ATP6V1G1: variants seen among roughly 807,000 people sequenced by gnomAD.
ATP6V1G1 encodes ATPase H+ transporting V1 subunit G1.
Under a neutral mutation model 14.2 loss-of-function variants are expected in ATP6V1G1, and 14 were observed. That is an observed-to-expected ratio of 0.99 (90% CI 0.65 to 1.55). The LOEUF (loss-of-function observed/expected upper bound fraction) is 1.55, where lower values mean the gene tolerates loss of function less well. Among genes scored for constraint, ATP6V1G1 ranks in the 40% most tolerant of loss-of-function variants. The pLI is 0.00. For missense variants in ATP6V1G1, 137 were observed against 146.4 expected, an observed-to-expected ratio of 0.94 and a Z score of 0.33; for synonymous variants, 65 against 53.3, an observed-to-expected ratio of 1.22 and a Z score of -0.96.
intron 1 of ATP6V1G1, chr9:114,588,163 C>T (rs781289017): frequency 3.6e-6 from 2 of 552,086 alleles, no homozygotes; most frequent in South Asian, 2.4e-5. Flanking sequence ...TCCTTGGGGC[C>T]TGGAGGCATG....
At chr9:114,589,577 T>C (rs1845163027) in intron 1 of ATP6V1G1, among the ~76,000 whole-genome samples, 1 of 152,076 alleles carries the variant, frequency 6.6e-6, no homozygotes, top group Non-Finnish European at 1.5e-5. Flanking sequence ...TCTTTGAGGG[T>C]GTTGGGAATG....
chr9:114,588,002 C>G, intron 1 of ATP6V1G1, 82 bp downstream of exon 1: 7 of 1,425,576 alleles, frequency 4.9e-6, no homozygotes, highest in Non-Finnish European at 6.7e-6. Flanking sequence ...AGATTAGGCC[C>G]GAAAAACTGC....
At chr9:114,590,540 C>T (rs926508405) in intron 1 of ATP6V1G1, among the ~76,000 whole-genome samples, 1 of 152,018 alleles carries the variant, frequency 6.6e-6, no homozygotes, top group Non-Finnish European at 1.5e-5. Flanking sequence ...CTCGGCCTCC[C>T]AAAGTGCTGG....
chr9:114,595,093 C>G (rs909544577), intron 2 of ATP6V1G1, among the ~76,000 whole-genome samples: 1 of 150,960 alleles, frequency 6.6e-6, no homozygotes, highest in African/African-American at 2.4e-5. Context: ...GTCTTGAACT[C>G]CTGACCTCAG....
chr9:114,590,566 C>T (rs117021790), intron 1 of ATP6V1G1, among the ~76,000 whole-genome samples: 4 of 152,102 alleles, frequency 2.6e-5, no homozygotes, highest in Non-Finnish European at 5.9e-5. Context: ...CAGATATGAG[C>T]GACTGCGCCT....
In ATP6V1G1 at chr9:114,597,721, A is replaced by G; in HGVS notation, c.335A>G (p.Glu112Gly). Residue 112 changes from glutamate to glycine, a missense_variant, in exon 3 of 3, where the codon GAA (glutamate) becomes GGA (glycine). Transcript: ENST00000374050. The stretch of plus-strand genomic sequence containing the variant: ...TGTGACATTCGGCCAGAAATCCATG[A>G]AAACTACCGCATAAATGGATAGAAG... Reference protein sequence around the residue: ...FVCDIRPEIHENYRING With the variant: ...FVCDIRPEIHGNYRING 6.3e-7 allele frequency: 1 copy of G among 1,588,512 alleles called. No homozygotes were observed. Among genetic ancestry groups the G allele is most frequent in the Non-Finnish European group, 8.5e-7 (1 of 1,171,036 alleles).
chr9:114,596,116 C>T (rs956356581), intron 2 of ATP6V1G1, among the ~76,000 whole-genome samples: 18 of 151,866 alleles, frequency 1.2e-4, no homozygotes, highest in African/African-American at 1.7e-4. Flanking sequence ...AAAATGTTTA[C>T]GCTAAAAATT....
At chr9:114,589,499 T>A (rs960425128) in intron 1 of ATP6V1G1, among the ~76,000 whole-genome samples, 1 of 152,176 alleles carries the variant, frequency 6.6e-6, no homozygotes, top group Non-Finnish European at 1.5e-5. Context: ...CTATCTGACA[T>A]CCAACTAGAT....
At chr9:114,595,892 C>CAT (rs767903282) in intron 2 of ATP6V1G1, among the ~76,000 whole-genome samples, 75 of 151,488 alleles carry the variant, frequency 5.0e-4, no homozygotes, top group East Asian at 2.3e-3. Context: ...ATGTTATTAG[C>CAT]ATATATATAT....
chr9:114,590,199 A>AG (rs34795555), intron 1 of ATP6V1G1, among the ~76,000 whole-genome samples: 2 of 53,784 alleles, frequency 3.7e-5, no homozygotes, highest in Non-Finnish European at 8.2e-5. Context: ...ACGCCGTCTC[A>AG]AAAAAAAAAA....
intron 2 of ATP6V1G1, among the ~76,000 whole-genome samples, chr9:114,597,275 C>T (rs2133561309): frequency 6.6e-6 from 1 of 152,196 alleles, no homozygotes; most frequent in African/African-American, 2.4e-5. Flanking sequence ...CAGGCGTGAG[C>T]CACCGCGCCC....
In ATP6V1G1 at chr9:114,597,653, G is replaced by A. The variant is rs1486121461; in HGVS notation, c.267G>A (p.Arg89=). The A allele has an allele frequency of 1.9e-6, 3 of 1,591,080 alleles. No homozygotes were observed. The South Asian group carries it at 3.4e-5, about 18-fold the overall frequency. ...TGACCATCCTCCAGACATACTTCCG[G>A]CAGAACAGGGATGAAGTCTTGGACA... ...EKMTILQTYF[R]QNRDEVLDNL... is the part of the protein sequence containing the mutation. The change falls in exon 3 of 3, where the codon CGG becomes CGA. Residue 89 remains arginine, a synonymous_variant. Transcript: ENST00000374050.
At chr9:114,589,410 C>G (rs1005572654) in intron 1 of ATP6V1G1, among the ~76,000 whole-genome samples, 2 of 152,168 alleles carry the variant, frequency 1.3e-5, no homozygotes, top group African/African-American at 4.8e-5. Context: ...AGTTGGGACT[C>G]AGAAGCCTCT....
intron 1 of ATP6V1G1, among the ~76,000 whole-genome samples, chr9:114,591,988 C>G (rs924449357): frequency 1.3e-5 from 2 of 152,200 alleles, no homozygotes; most frequent in African/African-American, 2.4e-5. Context: ...CTTGTGCAGT[C>G]TTACTGTCCA....
Position 114,587,786 on chromosome 9 carries a change from G to A in ATP6V1G1, c.-53G>A. The A allele has an allele frequency of 1.3e-6, 2 of 1,533,282 alleles. No homozygotes were observed. The highest frequency in any genetic ancestry group is 2.4e-5 in the East Asian group (1 of 40,980). The allele number at this position is 1,533,282 out of a possible 1,614,324, so 95.0% of individuals were successfully genotyped here. On this transcript the variant is annotated 5_prime_UTR_variant, in exon 1 of 3. Coordinates refer to ENST00000374050, the MANE Select transcript of ATP6V1G1 (RefSeq NM_004888.4). Reference sequence around the variant, plus strand: ...GGGCGGCTGTGTCAGCTGACCCAAGGGGCCTTCGAGGTGCCTTAGGCCGCT... The same window carrying A: ...GGGCGGCTGTGTCAGCTGACCCAAGAGGCCTTCGAGGTGCCTTAGGCCGCT...
At chr9:114,592,729 T>C (rs1845195537) in intron 2 of ATP6V1G1, 77 bp downstream of exon 2, 3 of 1,438,592 alleles carry the variant, frequency 2.1e-6, no homozygotes, top group African/African-American at 2.9e-5. Context: ...ATATCCAGCA[T>C]AGCTCAGAGA....
intron 1 of ATP6V1G1, among the ~76,000 whole-genome samples, chr9:114,591,207 A>G (rs1264471272): frequency 6.6e-6 from 1 of 152,160 alleles, no homozygotes; most frequent in African/African-American, 2.4e-5. Flanking sequence ...GAGAAATACG[A>G]TTTTCTGTTT....
At chr9:114,597,286 G>A (rs532714541) in intron 2 of ATP6V1G1, among the ~76,000 whole-genome samples, 4 of 152,178 alleles carry the variant, frequency 2.6e-5, no homozygotes, top group Admixed American at 6.5e-5. Flanking sequence ...CACCGCGCCC[G>A]GCCTATATAG....
chr9:114,588,149 AC>A, intron 1 of ATP6V1G1: 1 of 578,920 alleles, frequency 1.7e-6, no homozygotes, highest in African/African-American at 1.9e-5. Context: ...ATAATGGGTT[AC>A]CGTCCTTGGG....
Sources: gnomAD v4.1 joint callset for allele counts (sites outside exome capture counted in the v4.1 genomes callset) on GRCh38, gnomAD v4.1.1 for gene constraint, MANE v1.5 for transcripts, NCBI Gene and HGNC (gene_info 2026-07-23, HGNC 2026-07-21) for gene names.